The following CFAP46 variants were observed in gnomAD, a reference collection of about 807,000 sequenced individuals.
CFAP46 encodes cilia and flagella associated protein 46, also known as cilia- and flagella-associated protein 46.
In CFAP46, 245 loss-of-function variants were observed where a neutral mutation model predicts 325.7. That is an observed-to-expected ratio of 0.75 (90% confidence interval 0.68 to 0.84). CFAP46 has a LOEUF of 0.84. Among genes scored for constraint, CFAP46 ranks in the 40% least tolerant of loss-of-function variants. The pLI, the probability that CFAP46 is intolerant of heterozygous loss-of-function variation, is 0.00. For synonymous variants in CFAP46, 1,523 were observed against 1,495.9 expected, an observed-to-expected ratio of 1.02 and a Z score of -0.42; for missense variants, 3,346 against 3,543.0, an observed-to-expected ratio of 0.94 and a Z score of 1.41.
Position 132,869,416 on chromosome 10 carries a change from G to T in CFAP46, c.4512-44C>A. ...AAAGAGTCAGTGTTGCACGGGCGCAGAGGGAGCCAGAAACGAAGCTACTAG... is the reference window on the plus strand; with the variant it reads ...AAAGAGTCAGTGTTGCACGGGCGCATAGGGAGCCAGAAACGAAGCTACTAG... On this transcript the variant is annotated intron_variant, in intron 32 of 57. Transcript: ENST00000368586. The surrounding 1 kb of genome is among the most constrained non-coding windows in gnomAD (Gnocchi z 6.2). 7.1e-7 allele frequency: 1 copy of T among 1,415,250 alleles called. No homozygotes were observed. The highest frequency in any genetic ancestry group is 9.4e-7 in the Non-Finnish European group (1 of 1,059,206). 87.7% of individuals were successfully genotyped at this position (1,415,250 alleles called of 1,614,324 possible).
In CFAP46 at chr10:132,936,152, G is replaced by A. The variant is rs1159285202; in HGVS notation, c.755+809C>T. Reference sequence around the variant, plus strand: ...ACACTGTGATATCCTCACTCCCCCCGGCCCCCAAATACACTGTGATCTCCT... The same window carrying A: ...ACACTGTGATATCCTCACTCCCCCCAGCCCCCAAATACACTGTGATCTCCT... On this transcript the variant is annotated intron_variant, in intron 7 of 57. Coordinates refer to ENST00000368586, the MANE Select transcript of CFAP46 (RefSeq NM_001200049.3). Among the ~76,000 whole-genome samples, 5 of 72,180 alleles carry A rather than the reference G, an allele frequency of 6.9e-5. 1 individual carries two copies. Among genetic ancestry groups the A allele is most frequent in the African/African-American group, 2.6e-4 (4 of 15,668 alleles). 47.4% of individuals were successfully genotyped at this position (72,180 alleles called of 152,430 possible). A position where few individuals can be genotyped will look rare whatever the true frequency, so the allele number is the denominator to read the frequency against.
intron 54 of CFAP46, among the ~76,000 whole-genome samples, chr10:132,813,154 G>A (rs572234549): frequency 2.0e-5 from 3 of 152,118 alleles, no homozygotes; most frequent in Non-Finnish European, 2.9e-5. Flanking sequence ...CTACTCGGGC[G>A]GGGCTCGCTG....
chr10:132,915,018 C>T (rs560955102), intron 17 of CFAP46, among the ~76,000 whole-genome samples: 3 of 152,396 alleles, frequency 2.0e-5, no homozygotes, highest in Non-Finnish European at 4.4e-5. Flanking sequence ...GCCGTGTGGA[C>T]GTGGACAGGG....
At chr10:132,887,145 ACTT>A (rs1849146873) in intron 25 of CFAP46, among the ~76,000 whole-genome samples, 1 of 101,090 alleles carries the variant, frequency 9.9e-6, no homozygotes, top group East Asian at 3.3e-4. Flanking sequence ...GTCCTCTCTC[ACTT>A]CTCTCTCTCC....
chr10:132,836,799 A>C lies in CFAP46; in HGVS notation c.6536+18T>G, dbSNP rs1431937044. 11 of 1,609,082 alleles carry C rather than the reference A, an allele frequency of 6.8e-6. No individual in the cohort carries two copies. The highest frequency in any genetic ancestry group is 1.3e-5 in the African/African-American group (1 of 74,772). On this transcript the variant is annotated intron_variant, in intron 45 of 57. Transcript: ENST00000368586. ...TCAGCGGGCTGGGGGCGGCCTCAACAAGAAGGAGCGGCTTTACCTGTCCCC... is the reference window on the plus strand; with the variant it reads ...TCAGCGGGCTGGGGGCGGCCTCAACCAGAAGGAGCGGCTTTACCTGTCCCC...
chr10:132,857,924 T>C (rs1252583715), intron 38 of CFAP46, 136 bp from the exon 39 acceptor site: 2 of 746,872 alleles, frequency 2.7e-6, no homozygotes, highest in African/African-American at 3.5e-5. Context: ...TGTAAAGACA[T>C]CCTCGATACG....
chr10:132,872,734 C>T lies in CFAP46; in HGVS notation c.4453G>A (p.Val1485Met). The T allele has an allele frequency of 1.9e-6, 3 of 1,550,840 alleles. No individual in the cohort carries two copies. Among genetic ancestry groups the T allele is most frequent in the Non-Finnish European group, 2.6e-6 (3 of 1,147,052 alleles). Residue 1485 changes from valine to methionine, a missense_variant, in exon 32 of 58, where the codon GTG becomes ATG. Physicochemically the swap from Val to Met is conservative, Grantham distance 21. Transcript: ENST00000368586. ...CCCACCACGGAGTCCGAAATCAGCA[C>T]CCCCAACTGCAGGACGGGAACCGTG... ...ELTVPVLQLG[V>M]LISDSVVGSK...
intron 50 of CFAP46, among the ~76,000 whole-genome samples, chr10:132,815,210 C>G (rs370451590): frequency 4.4e-4 from 67 of 152,336 alleles, no homozygotes; most frequent in African/African-American, 1.5e-3. Context: ...CTGCCATGCC[C>G]GGGCCCCTCA....
chr10:132,880,969 T>G lies in CFAP46; in HGVS notation c.3691A>C (p.Arg1231=). The G allele has an allele frequency of 3.2e-6, 5 of 1,550,482 alleles. No homozygotes were observed. Among genetic ancestry groups the G allele is most frequent in the Non-Finnish European group, 4.4e-6 (5 of 1,146,956 alleles). ...ACCACGTCCTCGAGAGGAAAGTGTC[T>G]GTGATGGAGCCACTGGCCGAACTCC... ...LMEFGQWLHH[R]HFPLEDVVFH... is the part of the protein sequence containing the mutation. Residue 1231 remains arginine (R), a synonymous_variant, in exon 28 of 58, where the codon AGA becomes CGA. Transcript: ENST00000368586.
In CFAP46 at chr10:132,917,923, CT is replaced by C. The variant is rs112597661; in HGVS notation, c.1986+469del. ...TGCACCTCAGCACCGATGAACCCCC[CT>C]CTCCACGACGCACCTCAGCACCGAT... On this transcript the variant is annotated intron_variant, in intron 16 of 57. Coordinates refer to ENST00000368586, the MANE Select transcript of CFAP46 (RefSeq NM_001200049.3). Among the ~76,000 whole-genome samples, 1,110 of 142,992 alleles carry C rather than the reference CT, an allele frequency of 7.8e-3. 22 individuals carry two copies. Among genetic ancestry groups the C allele is most frequent in the African/African-American group, 0.028 (1,020 of 36,422 alleles). The allele number at this position is 142,992 out of a possible 152,430, so 93.8% of individuals were successfully genotyped here. A position where few individuals can be genotyped will look rare whatever the true frequency, so the allele number is the denominator to read the frequency against.
intron 33 of CFAP46, among the ~76,000 whole-genome samples, chr10:132,868,225 C>T (rs754236078): frequency 3.9e-5 from 6 of 152,236 alleles, no homozygotes; most frequent in South Asian, 2.1e-4. Context: ...CACCACATCG[C>T]GCTGGCCACC....
rs971666702 is a variant in CFAP46, at chr10:132,886,427, G to T, written c.3305-468C>A. On this transcript the variant is annotated intron_variant, in intron 25 of 57. Coordinates refer to ENST00000368586, the MANE Select transcript of CFAP46 (RefSeq NM_001200049.3). The surrounding 1 kb of genome is among the most constrained non-coding windows in gnomAD (Gnocchi z 5.8). ...CCCGAGTCTCCACGCAGGCAGCGGA[G>T]CCATGTGACACGCAGAGGCAAAGGT... Among the ~76,000 whole-genome samples, 1 of 152,222 alleles carries T rather than the reference G, an allele frequency of 6.6e-6. No individual in the cohort carries two copies. The highest frequency in any genetic ancestry group is 2.4e-5 in the African/African-American group (1 of 41,460).
intron 9 of CFAP46, 116 bp from the exon 10 acceptor site, chr10:132,926,782 G>A: frequency 1.3e-6 from 1 of 776,496 alleles, no homozygotes; most frequent in African/African-American, 1.7e-5. Flanking sequence ...ACAAATACAA[G>A]TCACACGATG....
At position 132,926,678 on chromosome 10, in the gene CFAP46, AAC is replaced by A. The variant is rs759799518; in HGVS notation, c.967-14_967-13del. ...AGCTTCCCAGGATCCTGCAGATATA[AAC>A]AGTTTTTGAAAAGATGGAGATCTGT... On this transcript the variant is annotated splice_polypyrimidine_tract_variant and intron_variant, in intron 9 of 57. Coordinates refer to ENST00000368586, the MANE Select transcript of CFAP46 (RefSeq NM_001200049.3). 76 of 1,529,394 alleles carry A rather than the reference AAC, an allele frequency of 5.0e-5. 1 individual carries two copies. The South Asian group carries it at 8.5e-4, about 17-fold the overall frequency. 94.7% of individuals were successfully genotyped at this position (1,529,394 alleles called of 1,614,324 possible).
intron 34 of CFAP46, 66 bp downstream of exon 34, chr10:132,867,309 G>A: frequency 6.6e-7 from 1 of 1,520,068 alleles, no homozygotes. Flanking sequence ...CTGCAGCCCT[G>A]CATGGCCACG....
intron 39 of CFAP46, among the ~76,000 whole-genome samples, chr10:132,855,161 T>C (rs1020481310): frequency 3.8e-5 from 3 of 77,934 alleles, no homozygotes; most frequent in African/African-American, 8.4e-5. Flanking sequence ...TATTTCTCCG[T>C]TGCAATTTTA....
At chr10:132,882,153 T>TAA (rs1297769794) in intron 27 of CFAP46, among the ~76,000 whole-genome samples, 7 of 144,400 alleles carry the variant, frequency 4.8e-5, no homozygotes, top group Non-Finnish European at 9.1e-5. Flanking sequence ...GTGTGGGATG[T>TAA]GGGGTGTGAG....
intron 27 of CFAP46, 124 bp from the exon 28 acceptor site, chr10:132,881,156 A>G (rs1213539101): frequency 1.1e-6 from 1 of 935,206 alleles, no homozygotes; most frequent in African/African-American, 1.6e-5. Flanking sequence ...CACAGTGATC[A>G]TTTGCAGGCC....
intron 35 of CFAP46, among the ~76,000 whole-genome samples, chr10:132,863,833 C>T (rs1406697277): frequency 1.5e-5 from 2 of 137,868 alleles, no homozygotes; most frequent in African/African-American, 5.5e-5. Context: ...CTGCCTGAGA[C>T]CAGCACACAC....
Sources: gnomAD v4.1 joint callset for allele counts (sites outside exome capture counted in the v4.1 genomes callset) on GRCh38, gnomAD v4.1.1 for gene constraint, Gnocchi (gnomAD v3.1) non-coding constraint, MANE v1.5 for transcripts, NCBI Gene and HGNC (gene_info 2026-07-23, HGNC 2026-07-21) for gene names.